CADM2: variants seen among roughly 807,000 people sequenced by gnomAD.
The protein encoded by CADM2 is immunoglobulin superfamily member 4D.
A neutral mutation model predicts 49.8 loss-of-function variants in CADM2; 12 were observed. That is an observed-to-expected ratio of 0.24 (90% confidence interval 0.15 to 0.39). The LOEUF is 0.39. Ranked by LOEUF, CADM2 falls within the 10% of genes least tolerant of loss-of-function variation. The pLI is 1.00. For synonymous variants in CADM2, 214 were observed against 175.4 expected, an observed-to-expected ratio of 1.22 and a Z score of -1.74; for missense variants, 378 against 492.3, an observed-to-expected ratio of 0.77 and a Z score of 2.20.
intron 3 of CADM2, among the ~76,000 whole-genome samples, chr3:85,840,203 A>C (rs1033402116): frequency 5.3e-5 from 8 of 151,806 alleles, no homozygotes; most frequent in Non-Finnish European, 8.8e-5. Flanking sequence ...ATTTCACAGC[A>C]TTTTCCCTTT....
chr3:85,711,961 T>C (rs552413544), intron 1 of CADM2, among the ~76,000 whole-genome samples: 3 of 152,300 alleles, frequency 2.0e-5, no homozygotes, highest in African/African-American at 7.2e-5. Flanking sequence ...ACCTGTAGCG[T>C]AGTATGATGT....
intron 1 of CADM2, among the ~76,000 whole-genome samples, chr3:85,061,989 A>T (rs982486423): frequency 1.2e-4 from 18 of 151,604 alleles, no homozygotes; most frequent in African/African-American, 4.4e-4. Context: ...AGAGTTCATA[A>T]GTAAGAGCTT....
intron 1 of CADM2, among the ~76,000 whole-genome samples, chr3:85,472,287 TA>T (rs561413049): frequency 2.8e-4 from 42 of 152,120 alleles, no homozygotes; most frequent in African/African-American, 9.1e-4. Context: ...AATATTCATA[TA>T]AAAATTTCAA....
At chr3:85,568,518 C>CTTT (rs2062380018) in intron 1 of CADM2, among the ~76,000 whole-genome samples, 7 of 80,192 alleles carry the variant, frequency 8.7e-5, no homozygotes, top group South Asian at 4.8e-4. Context: ...TTTCTTTCCT[C>CTTT]CCTCCCTCCC....
At chr3:85,231,176 G>T (rs927490652) in intron 1 of CADM2, among the ~76,000 whole-genome samples, 6 of 151,820 alleles carry the variant, frequency 4.0e-5, no homozygotes, top group Non-Finnish European at 7.4e-5. Flanking sequence ...CTCTTTAAAG[G>T]CTCTATCTAC....
chr3:85,316,152 A>C (rs1250662611), intron 1 of CADM2, among the ~76,000 whole-genome samples: 1 of 152,194 alleles, frequency 6.6e-6, no homozygotes, highest in Non-Finnish European at 1.5e-5. Flanking sequence ...GTCTTTTATT[A>C]ATCTCTCTGG....
At chr3:85,624,494 G>A (rs1437200613) in intron 1 of CADM2, among the ~76,000 whole-genome samples, 6 of 151,838 alleles carry the variant, frequency 4.0e-5, no homozygotes, top group Non-Finnish European at 8.8e-5. Flanking sequence ...CACCACACCC[G>A]GCTAATTTTT....
At chr3:85,830,797 T>TTTTATTTA (rs78682464) in intron 3 of CADM2, among the ~76,000 whole-genome samples, 4,262 of 142,116 alleles carry the variant, frequency 0.03, 88 homozygotes, top group South Asian at 0.084. Context: ...TCTTTGTGCA[T>TTTTATTTA]TTTATTTATT....
chr3:85,564,277 A>T (rs2062189453), intron 1 of CADM2, among the ~76,000 whole-genome samples: 1 of 152,012 alleles, frequency 6.6e-6, no homozygotes, highest in African/African-American at 2.4e-5. Flanking sequence ...ATTTTGTGGC[A>T]TTAAGTAACA....
At chr3:85,180,540 GA>G (rs2040908535) in intron 1 of CADM2, among the ~76,000 whole-genome samples, 1 of 142,072 alleles carries the variant, frequency 7.0e-6, no homozygotes, top group Non-Finnish European at 1.5e-5. Flanking sequence ...AAAAAAAAGA[GA>G]AGGAGAAAAA....
rs139177728 is a variant in CADM2 at position 85,720,317 on chromosome 3, C to T, written c.62-6205C>T. Among the ~76,000 whole-genome samples, 55 of 152,238 alleles carry T rather than the reference C, an allele frequency of 3.6e-4. No individual in the cohort carries two copies. The East Asian group carries it at 8.9e-3, about 25-fold the overall frequency. On this transcript the variant is annotated intron_variant, in intron 1 of 9. Transcript: ENST00000383699. ...TCTTCCTTTGTGGTGTTGTGTCCAT[C>T]GCTGAGGAGGAATATAATATCTGGT... is the stretch of plus-strand genomic sequence containing the variant.
intron 1 of CADM2, among the ~76,000 whole-genome samples, chr3:85,593,986 G>A (rs773662316): frequency 3.3e-4 from 50 of 151,400 alleles, no homozygotes; most frequent in Non-Finnish European, 5.6e-4. Flanking sequence ...TGAATATAGT[G>A]AGTGAAAAAA....
chr3:85,094,031 C>T (rs1468294265), intron 1 of CADM2, among the ~76,000 whole-genome samples: 1 of 151,998 alleles, frequency 6.6e-6, no homozygotes, highest in Non-Finnish European at 1.5e-5. Context: ...AATAGGTTTC[C>T]ATTTAAAATG....
At chr3:85,415,626 G>A (rs2035885584) in intron 1 of CADM2, among the ~76,000 whole-genome samples, 1 of 152,090 alleles carries the variant, frequency 6.6e-6, no homozygotes, top group African/African-American at 2.4e-5. Flanking sequence ...AAATGTAAAT[G>A]CACTTTACAA....
At chr3:85,450,443 G>A (rs9824071) in intron 1 of CADM2, among the ~76,000 whole-genome samples, 130,895 of 151,934 alleles carry the variant, frequency 0.86, 56,544 homozygotes, top group East Asian at 0.95. Flanking sequence ...AATTCATTTA[G>A]GTCTACCATT....
chr3:85,700,252 G>A (rs1008946456), intron 1 of CADM2, among the ~76,000 whole-genome samples: 4 of 152,038 alleles, frequency 2.6e-5, no homozygotes, highest in Non-Finnish European at 4.4e-5. Flanking sequence ...ACCAAACACT[G>A]CATGTTCTCA....
chr3:85,682,829 G>A (rs564161720), intron 1 of CADM2, among the ~76,000 whole-genome samples: 1 of 151,870 alleles, frequency 6.6e-6, no homozygotes, highest in African/African-American at 2.4e-5. Context: ...TGTTTCAGGG[G>A]GACTATATAA....
At chr3:85,623,382 C>A (rs962268731) in intron 1 of CADM2, among the ~76,000 whole-genome samples, 9 of 152,068 alleles carry the variant, frequency 5.9e-5, no homozygotes, top group Admixed American at 5.3e-4. Context: ...AATACGTTTA[C>A]TAGAGATTCT....
chr3:85,188,888 A>T (rs888062575), intron 1 of CADM2, among the ~76,000 whole-genome samples: 1 of 151,592 alleles, frequency 6.6e-6, no homozygotes, highest in Non-Finnish European at 1.5e-5. Flanking sequence ...AAAATTAGCC[A>T]GGCGTGGTGG....
Sources: gnomAD v4.1 joint callset for allele counts (sites outside exome capture counted in the v4.1 genomes callset) on GRCh38, gnomAD v4.1.1 for gene constraint, MANE v1.5 for transcripts, NCBI Gene and HGNC (gene_info 2026-07-23, HGNC 2026-07-21) for gene names.